Variants in MICAL2 observed in about 807,000 individuals in gnomAD.
The protein encoded by MICAL2 is [F-actin]-monooxygenase MICAL2.
A neutral mutation model predicts 127.3 loss-of-function variants in MICAL2; 77 were observed. The ratio of observed to expected loss-of-function variants is 0.60; its 90% CI spans 0.50 to 0.73. The LOEUF (loss-of-function observed/expected upper bound fraction) is 0.73. MICAL2 is among the 30% of genes least tolerant of loss of function. MICAL2 has a pLI of 0.00. For missense variants in MICAL2, 1,351 were observed against 1,434.4 expected, an observed-to-expected ratio of 0.94 and a Z score of 0.94; for synonymous variants, 570 against 551.1, an observed-to-expected ratio of 1.03 and a Z score of -0.48.
intron 1 of MICAL2, among the ~76,000 whole-genome samples, chr11:12,134,601 T>C (rs1221634383): frequency 6.6e-6 from 1 of 152,226 alleles, no homozygotes; most frequent in Non-Finnish European, 1.5e-5. Context: ...CTTTTCTTCC[T>C]GGGTGGGATT....
At chr11:12,293,795 G>A, downstream of MICAL2, 1 of 1,607,652 alleles carries the variant, frequency 6.2e-7, no homozygotes, top group Non-Finnish European at 8.5e-7. Flanking sequence ...GGCCCCTCTT[G>A]GGGACATCGG....
chr11:12,339,598 A>T (rs1938824913), intron 32 of MICAL2, among the ~76,000 whole-genome samples: 1 of 151,924 alleles, frequency 6.6e-6, no homozygotes, highest in Non-Finnish European at 1.5e-5. Context: ...TTGGTCTTTG[A>T]TGATGGTGAT....
chr11:12,330,869 GAGAGAGAGAGAGAC>G (rs1182604038), intron 32 of MICAL2, among the ~76,000 whole-genome samples: 3 of 145,176 alleles, frequency 2.1e-5, no homozygotes, highest in Non-Finnish European at 4.5e-5. Context: ...GGTAGAGAGA[GAGAGAGAGAGAGAC>G]AGAGAGAGAG....
chr11:12,305,740 C>T (rs1010942602), intron 29 of MICAL2, among the ~76,000 whole-genome samples: 1 of 152,094 alleles, frequency 6.6e-6, no homozygotes, highest in Non-Finnish European at 1.5e-5. Flanking sequence ...ACTACTGTAG[C>T]GAGTCTTCAA....
downstream of MICAL2, chr11:12,292,014 C>T (rs1258269885): frequency 3.4e-6 from 4 of 1,186,940 alleles, no homozygotes; most frequent in Non-Finnish European, 4.7e-6. Flanking sequence ...CACCAGGAAC[C>T]TCTGAGTCAG....
rs116660525 is a variant in MICAL2 at position 12,114,921 on chromosome 11, G to A, written c.-149+4195G>A. On this transcript the variant is annotated intron_variant, in intron 1 of 27. Coordinates refer to ENST00000683283, the MANE Select transcript of MICAL2 (RefSeq NM_001282663.2). ...TCCACAGGTCACACGTGGGGCTGAC[G>A]GAGACTGAGGTCACTTCTGTCCAAG... Among the ~76,000 whole-genome samples, 378 of 152,270 alleles carry A rather than the reference G, an allele frequency of 2.5e-3. 5 individuals carry two copies. The highest frequency in any genetic ancestry group is 8.6e-3 in the African/African-American group (358 of 41,542).
Position 12,209,508 on chromosome 11 carries a change from C to T in MICAL2, c.601C>T (p.Arg201Trp), listed in dbSNP as rs751406970. Residue 201 changes from arginine (R) to tryptophan (W), a missense_variant, in exon 6 of 28, where the codon CGG becomes TGG. Physicochemically the swap from Arg to Trp is moderately radical, Grantham distance 101. This residue lies in a region of MICAL2 where 599 missense variants were observed against 714.9 expected (regional missense o/e 0.84). Coordinates refer to ENST00000683283, the MANE Select transcript of MICAL2 (RefSeq NM_001282663.2). ...EDQENQKIGW[R>W]AEFLPTDHSL... is the part of the protein sequence containing the mutation. ...CTCTGTCCTGGTAGAAATTGGCTGG[C>T]GGGCAGAATTTCTCCCTACAGACCA... 39 of 1,613,580 alleles carry T rather than the reference C, an allele frequency of 2.4e-5. No homozygotes were observed. The highest frequency in any genetic ancestry group is 2.2e-5 in the East Asian group (1 of 44,898).
chr11:12,359,944 C>T (rs1407757464), downstream of MICAL2, among the ~76,000 whole-genome samples: 7 of 152,094 alleles, frequency 4.6e-5, no homozygotes, highest in African/African-American at 1.7e-4. Context: ...GTCAGAGACG[C>T]TCTCTGCACG....
In MICAL2 at chr11:12,255,706, A is replaced by G. The variant is rs764490355; in HGVS notation, c.2911A>G (p.Met971Val). 125 of 1,614,146 alleles carry G rather than the reference A, an allele frequency of 7.7e-5. No homozygotes were observed. In the South Asian group the frequency reaches 8.0e-4, roughly 10 times the overall value. ...AGCTGAAGTCCTGGTCAATCTGTAC[A>G]TGAATGATCACAGACCTAAGGCCCA... ...AAAEVLVNLY[M>V]NDHRPKAQAT... The change falls in exon 23 of 28, where the codon ATG becomes GTG. Residue 971 changes from methionine to valine, a missense_variant. By Grantham distance (21) the Met-to-Val change is conservative. Transcript: ENST00000683283.
At chr11:12,294,672 CCAGA>C (rs763986588), downstream of MICAL2, 185 of 1,614,162 alleles carry the variant, frequency 1.1e-4, no homozygotes, top group Non-Finnish European at 1.5e-4. Context: ...CTCCAAGAAT[CCAGA>C]CAAAGAAAGG....
intron 2 of MICAL2, 27 bp from the exon 3 acceptor site, chr11:12,162,052 G>A: frequency 6.6e-7 from 1 of 1,525,626 alleles, no homozygotes; most frequent in Non-Finnish European, 8.9e-7. Context: ...GTCCAAAGCT[G>A]ACCTCTGCCT....
At chr11:12,123,730 G>A (rs760819981) in intron 1 of MICAL2, among the ~76,000 whole-genome samples, 4 of 152,102 alleles carry the variant, frequency 2.6e-5, no homozygotes, top group East Asian at 1.9e-4. Flanking sequence ...AGTGAAATAC[G>A]TTATTTAAAG....
At chr11:12,229,716 C>G (rs1857955621) in intron 15 of MICAL2, among the ~76,000 whole-genome samples, 1 of 152,212 alleles carries the variant, frequency 6.6e-6, no homozygotes, top group Admixed American at 6.5e-5. Flanking sequence ...CAAGGTTAGC[C>G]AGGCCTCCCA....
chr11:12,255,213 C>A (rs188087564), intron 22 of MICAL2: 21 of 169,668 alleles, frequency 1.2e-4, no homozygotes, highest in African/African-American at 4.7e-4. Context: ...CCACCACACC[C>A]GGCCAGCCTT....
intron 10 of MICAL2, among the ~76,000 whole-genome samples, chr11:12,221,981 C>A (rs1856865809): frequency 6.6e-6 from 1 of 152,176 alleles, no homozygotes; most frequent in South Asian, 2.1e-4. Flanking sequence ...GGACCTTGGG[C>A]CCTGGATGAC....
intron 32 of MICAL2, among the ~76,000 whole-genome samples, chr11:12,347,250 C>T (rs1281134401): frequency 1.3e-5 from 2 of 152,178 alleles, no homozygotes; most frequent in Non-Finnish European, 2.9e-5. Flanking sequence ...TCAGGAGAAT[C>T]CTCCCTCCCC....
chr11:12,191,797 T>C (rs902890617), intron 3 of MICAL2, among the ~76,000 whole-genome samples: 7 of 150,418 alleles, frequency 4.7e-5, no homozygotes, highest in South Asian at 2.1e-4. Context: ...GAGAGAGATG[T>C]TGGGTTATGA....
rs2134873891 is a variant in MICAL2 at position 12,337,381 on chromosome 11, T to G, written c.5515+10115T>G. ...TAGTCTTGCTAGCGGTCTATCAATT[T>G]TGTTGATCTTTTCAAAAAACCAGCT... On this transcript the variant is annotated intron_variant, in intron 32 of 34. Coordinates refer to the MICAL2 transcript ENST00000646065. Among the ~76,000 whole-genome samples, 2 of 152,340 alleles carry G rather than the reference T, an allele frequency of 1.3e-5. 1 individual carries two copies. Among genetic ancestry groups the G allele is most frequent in the South Asian group, 4.1e-4 (2 of 4,832 alleles).
intron 3 of MICAL2, among the ~76,000 whole-genome samples, chr11:12,179,058 C>A (rs978809849): frequency 2.6e-5 from 4 of 152,178 alleles, no homozygotes; most frequent in African/African-American, 9.7e-5. Context: ...CTGGCCCCTG[C>A]AGACTCACTC....
Sources: gnomAD v4.1 joint callset for allele counts (sites outside exome capture counted in the v4.1 genomes callset) on GRCh38, gnomAD v4.1.1 for gene constraint, gnomAD v4.1.1 regional missense constraint, MANE v1.5 for transcripts, NCBI Gene and HGNC (gene_info 2026-07-23, HGNC 2026-07-21) for gene names.